Variants in ETFDH observed in about 807,000 individuals in gnomAD.
ETFDH encodes the protein electron transfer flavoprotein dehydrogenase.
In ETFDH, 61 loss-of-function variants were observed where a neutral mutation model predicts 73.2. The ratio of observed to expected loss-of-function variants is 0.83; its 90% confidence interval spans 0.68 to 1.03. The LOEUF (loss-of-function observed/expected upper bound fraction) is 1.03. ETFDH is among the 50% of genes least tolerant of loss of function. The probability of loss-of-function intolerance (pLI) is 0.00; values close to 1 mark genes in which losing one functional copy is unlikely to be tolerated. For synonymous variants in ETFDH, 243 were observed against 253.3 expected, an observed-to-expected ratio of 0.96 and a Z score of 0.39; for missense variants, 685 against 745.0, an observed-to-expected ratio of 0.92 and a Z score of 0.94.
chr4:158,682,848 G>A (rs2150305511), intron 3 of ETFDH, among the ~76,000 whole-genome samples: 1 of 151,906 alleles, frequency 6.6e-6, no homozygotes, highest in African/African-American at 2.4e-5. Flanking sequence ...GTAACTCTAA[G>A]GGAATAATTA....
At chr4:158,693,267 C>T (rs1404224652) in intron 6 of ETFDH, among the ~76,000 whole-genome samples, 2 of 152,140 alleles carry the variant, frequency 1.3e-5, no homozygotes, top group African/African-American at 4.8e-5. Flanking sequence ...ATTATGTTTT[C>T]CTTCTTGAAA....
chr4:158,674,032 C>T (rs571140159), intron 1 of ETFDH, among the ~76,000 whole-genome samples: 2 of 152,256 alleles, frequency 1.3e-5, no homozygotes, highest in African/African-American at 2.4e-5. Context: ...TCAGACTACA[C>T]AGTTCCAAAT....
intron 6 of ETFDH, among the ~76,000 whole-genome samples, chr4:158,692,857 CT>C (rs1774210249): frequency 1.0e-5 from 1 of 95,400 alleles, no homozygotes; most frequent in African/African-American, 4.9e-5. Flanking sequence ...GAGACTCCAT[CT>C]AAAAAAAAAA....
intron 9 of ETFDH, among the ~76,000 whole-genome samples, chr4:158,702,802 A>G (rs554743226): frequency 5.5e-4 from 83 of 152,238 alleles, no homozygotes; most frequent in Non-Finnish European, 1.1e-3. Flanking sequence ...TCTCTTCCAC[A>G]TACTGACTTG....
At chr4:158,702,336 A>G (rs1774485761) in intron 9 of ETFDH, among the ~76,000 whole-genome samples, 1 of 152,106 alleles carries the variant, frequency 6.6e-6, no homozygotes, top group South Asian at 2.1e-4. Flanking sequence ...TCTTTCTTCT[A>G]TTTGAAAAAA....
Position 158,672,472 on chromosome 4 carries a change from G to C in ETFDH, c.16G>C (p.Ala6Pro), listed in dbSNP as rs770883274. The C allele has an allele frequency of 6.2e-7, 1 of 1,614,182 alleles. No individual in the cohort carries two copies. The highest frequency in any genetic ancestry group is 1.1e-5 in the South Asian group (1 of 91,084). The change falls in exon 1 of 13, where the codon GCC (alanine) becomes CCC (proline). Residue 6 changes from alanine to proline, a missense_variant. Physicochemically the swap from Ala to Pro is conservative, Grantham distance 27 (BLOSUM62 -1). This residue lies in a region of ETFDH where 405 missense variants were observed against 399.3 expected (regional missense o/e 1.01). Coordinates refer to ENST00000511912, the MANE Select transcript of ETFDH (RefSeq NM_004453.4). ...GACTTTGAACATGCTGGTGCCGCTA[G>C]CCAAGCTGTCCTGCCTGGGTGAGAG... Reference protein sequence around the residue: MLVPLAKLSCLAYQCF... With the variant: MLVPLPKLSCLAYQCF...
At chr4:158,690,679 T>A (rs910464370) in intron 6 of ETFDH, among the ~76,000 whole-genome samples, 2 of 33,966 alleles carry the variant, frequency 5.9e-5, no homozygotes, top group East Asian at 1.8e-3. Flanking sequence ...CAAAACCCTG[T>A]CTTAAAAAAA....
At chr4:158,704,222 C>G (rs1774546373) in intron 10 of ETFDH, among the ~76,000 whole-genome samples, 1 of 152,190 alleles carries the variant, frequency 6.6e-6, no homozygotes, top group African/African-American at 2.4e-5. Flanking sequence ...TCCCAAATAC[C>G]TAAGTATCAA....
At position 158,703,516 on chromosome 4, in the gene ETFDH, ATGAAAAG is replaced by A; in HGVS notation, c.1213_1219del (p.Lys405GlufsTer3). 6.2e-7 allele frequency: 1 copy of A among 1,609,572 alleles called. No individual in the cohort carries two copies. The highest frequency in any genetic ancestry group is 8.5e-7 in the Non-Finnish European group (1 of 1,175,914). Reference sequence around the variant, plus strand: ...CAAGATCAAAGGTACTCACACAGCAATGAAAAGTGGAATTTTAGCAGCAGAATCTATT... The same window carrying A: ...CAAGATCAAAGGTACTCACACAGCAATGGAATTTTAGCAGCAGAATCTATT... On this transcript the variant is annotated frameshift_variant, in exon 10 of 13. Transcript: ENST00000511912. LOFTEE classifies it high-confidence loss of function.
In ETFDH at chr4:158,672,452, T is replaced by C; in HGVS notation, c.-5T>C. The stretch of plus-strand genomic sequence containing the variant: ...GTCCGACCGAGAGTCCTGGTGACTT[T>C]GAACATGCTGGTGCCGCTAGCCAAG... On this transcript the variant is annotated 5_prime_UTR_variant, in exon 1 of 13. Coordinates refer to ENST00000511912, the MANE Select transcript of ETFDH (RefSeq NM_004453.4). The C allele has an allele frequency of 1.2e-6, 2 of 1,614,130 alleles. No homozygotes were observed. Among genetic ancestry groups the C allele is most frequent in the East Asian group, 2.2e-5 (1 of 44,884 alleles).
intron 5 of ETFDH, among the ~76,000 whole-genome samples, chr4:158,685,602 A>T (rs1025510253): frequency 6.6e-6 from 1 of 151,756 alleles, no homozygotes; most frequent in Admixed American, 6.6e-5. Context: ...TTACTCTGGA[A>T]TTTTTTTTTA....
intron 9 of ETFDH, 85 bp downstream of exon 9, chr4:158,699,215 T>C: frequency 8.7e-7 from 1 of 1,147,526 alleles, no homozygotes; most frequent in Non-Finnish European, 1.3e-6. Context: ...AGATAAAGAA[T>C]AAAAACAATA....
In ETFDH at chr4:158,706,470, G is replaced by A. The variant is rs1312928130; in HGVS notation, c.1468+99G>A. The A allele has an allele frequency of 4.2e-6, 5 of 1,181,224 alleles. No homozygotes were observed. The Admixed American group carries it at 9.0e-5, about 21-fold the overall frequency. The allele number at this position is 1,181,224 out of a possible 1,614,324, so 73.2% of individuals were successfully genotyped here. ...ATTGTTTTAATGTTTTCAACTTGGA[G>A]AAATTATAAATTTAGTGTCTAAGAA... On this transcript the variant is annotated intron_variant, in intron 11 of 12. Coordinates refer to ENST00000511912, the MANE Select transcript of ETFDH (RefSeq NM_004453.4).
At chr4:158,682,614 A>T (rs1580397330) in intron 3 of ETFDH, among the ~76,000 whole-genome samples, 190 bp downstream of exon 3, 1 of 151,036 alleles carries the variant, frequency 6.6e-6, no homozygotes, top group South Asian at 2.1e-4. Flanking sequence ...GCTCACTGCA[A>T]CCTCCACCTC....
At chr4:158,684,531 A>T in intron 3 of ETFDH, 61 bp from the exon 4 acceptor site, 2 of 946,554 alleles carry the variant, frequency 2.1e-6, no homozygotes, top group South Asian at 1.4e-5. Context: ...GTTTTTTTGT[A>T]TTTATATTTA....
At chr4:158,682,983 A>G (rs1390441223) in intron 3 of ETFDH, among the ~76,000 whole-genome samples, 1 of 152,190 alleles carries the variant, frequency 6.6e-6, no homozygotes, top group Non-Finnish European at 1.5e-5. Context: ...ACTTGAGAAG[A>G]CCTTTGAATA....
Position 158,699,046 on chromosome 4 carries a change from A to ATT in ETFDH, c.1032_1033insTT (p.His345PhefsTer41). ...CATTTAGAGAGTTCCAAAGGTGGAA[A>ATT]CACCATCCTAGCATTCGGCCAACCT... is the stretch of plus-strand genomic sequence containing the variant. On this transcript the variant is annotated frameshift_variant, in exon 9 of 13. Coordinates refer to ENST00000511912, the MANE Select transcript of ETFDH (RefSeq NM_004453.4). LOFTEE classifies it high-confidence loss of function. 1 of 1,613,096 alleles carries ATT rather than the reference A, an allele frequency of 6.2e-7. No individual in the cohort carries two copies. Among genetic ancestry groups the ATT allele is most frequent in the Non-Finnish European group, 8.5e-7 (1 of 1,179,066 alleles).
At chr4:158,681,717 A>G in intron 2 of ETFDH, 1 of 170,494 alleles carries the variant, frequency 5.9e-6, no homozygotes, top group Non-Finnish European at 1.3e-5. Context: ...ATACTATTAT[A>G]GTTGCCTACA....
intron 6 of ETFDH, among the ~76,000 whole-genome samples, chr4:158,692,887 AAACAT>A (rs1175889879): frequency 7.7e-4 from 69 of 89,400 alleles, no homozygotes; most frequent in African/African-American, 2.3e-3. Context: ...AAAAAAAAAA[AAACAT>A]ATATATATAT....
Sources: gnomAD v4.1 joint callset for allele counts (sites outside exome capture counted in the v4.1 genomes callset) on GRCh38, gnomAD v4.1.1 for gene constraint, gnomAD v4.1.1 regional missense constraint, MANE v1.5 for transcripts, NCBI Gene and HGNC (gene_info 2026-07-23, HGNC 2026-07-21) for gene names.